The following TAOK3 variants were observed in gnomAD, a reference collection of about 807,000 sequenced individuals.
TAOK3 encodes serine/threonine-protein kinase TAO3.
TAOK3 carries 40 observed loss-of-function variants against 120.4 expected under a neutral mutation model. That is an observed-to-expected ratio of 0.33 (90% CI 0.26 to 0.43). The LOEUF (loss-of-function observed/expected upper bound fraction) is 0.43. Among genes scored for constraint, TAOK3 ranks in the 20% least tolerant of loss-of-function variants. The pLI, the probability that TAOK3 is intolerant of heterozygous loss-of-function variation, is 1.00. For synonymous variants in TAOK3, 355 were observed against 387.5 expected, an observed-to-expected ratio of 0.92 and a Z score of 0.99; for missense variants, 821 against 1,112.1, an observed-to-expected ratio of 0.74 and a Z score of 3.72.
intron 17 of TAOK3, among the ~76,000 whole-genome samples, chr12:118,165,572 T>C (rs1316817265): frequency 6.6e-6 from 1 of 152,256 alleles, no homozygotes; most frequent in African/African-American, 2.4e-5. Flanking sequence ...AATTCTGATA[T>C]ATATGAAAGT....
rs1228468545 is a variant in TAOK3 at position 118,168,682 on chromosome 12, TA to T, written c.1899+3774del. Among the ~76,000 whole-genome samples the T allele has an allele frequency of 5.9e-5, 9 of 152,226 alleles. 1 individual carries two copies. The East Asian group carries it at 1.7e-3, about 29-fold the overall frequency. ...TTTAAGAAAAATACTCTTACAGAGT[TA>T]TTTTTTGCTCAACTGGCTAGAACCT... On this transcript the variant is annotated intron_variant, in intron 17 of 20. Coordinates refer to ENST00000392533, the MANE Select transcript of TAOK3 (RefSeq NM_016281.4).
intron 1 of TAOK3, among the ~76,000 whole-genome samples, chr12:118,271,623 C>A (rs1395326267): frequency 6.6e-6 from 1 of 152,174 alleles, no homozygotes; most frequent in African/African-American, 2.4e-5. Flanking sequence ...GATAGTGCTA[C>A]TAGAATTATT....
intron 1 of TAOK3, among the ~76,000 whole-genome samples, chr12:118,351,864 CTTTTTTTTTTTTTTTTT>C (rs34956112): frequency 1.4e-5 from 1 of 71,900 alleles, no homozygotes; most frequent in Non-Finnish European, 2.6e-5. Flanking sequence ...ATCTATAGTT[CTTTTTTTTTTTTTTTTT>C]TTTTTTTTTA....
intron 9 of TAOK3, among the ~76,000 whole-genome samples, chr12:118,221,056 C>T (rs1395199494): frequency 6.6e-6 from 1 of 152,216 alleles, no homozygotes; most frequent in Non-Finnish European, 1.5e-5. Context: ...TGGAACACAG[C>T]CATGCCTGTA....
chr12:118,321,553 G>A (rs2043707239), intron 1 of TAOK3, among the ~76,000 whole-genome samples: 1 of 151,992 alleles, frequency 6.6e-6, no homozygotes, highest in South Asian at 2.1e-4. Flanking sequence ...ACGCCTGGCT[G>A]CAAGTATGTT....
intron 3 of TAOK3, chr12:118,245,989 T>C (rs188395294): frequency 1.2e-4 from 66 of 567,620 alleles, no homozygotes; most frequent in Non-Finnish European, 1.9e-4. Flanking sequence ...AAACAAGCTA[T>C]AAAGTAGAAT....
At chr12:118,310,584 A>C (rs1461172042) in intron 1 of TAOK3, among the ~76,000 whole-genome samples, 1 of 152,206 alleles carries the variant, frequency 6.6e-6, no homozygotes, top group Non-Finnish European at 1.5e-5. Context: ...ACAGAAAACA[A>C]AAAATAAGGC....
chr12:118,322,853 G>GT (rs2043778935), intron 1 of TAOK3, among the ~76,000 whole-genome samples: 2 of 150,278 alleles, frequency 1.3e-5, no homozygotes, highest in African/African-American at 4.9e-5. Context: ...AGCCTCCCGA[G>GT]TAGCTGGGAT....
chr12:118,338,002 T>A (rs2044436040), intron 1 of TAOK3, among the ~76,000 whole-genome samples: 1 of 152,200 alleles, frequency 6.6e-6, no homozygotes, highest in African/African-American at 2.4e-5. Context: ...GGAAATTAGA[T>A]AAAGGGTACA....
chr12:118,151,396 T>C (rs749709097), intron 20 of TAOK3, among the ~76,000 whole-genome samples: 26 of 152,174 alleles, frequency 1.7e-4, no homozygotes, highest in Non-Finnish European at 3.7e-4. Context: ...TAAAACTTGC[T>C]CACAAGAATA....
chr12:118,361,472 T>C (rs1383080496), intron 1 of TAOK3, among the ~76,000 whole-genome samples: 1 of 151,952 alleles, frequency 6.6e-6, no homozygotes, highest in African/African-American at 2.4e-5. Flanking sequence ...CTTTTTTTTT[T>C]TTTGAGATGG....
intron 11 of TAOK3, among the ~76,000 whole-genome samples, chr12:118,204,454 A>G (rs1203609255): frequency 2.0e-5 from 3 of 152,088 alleles, no homozygotes; most frequent in African/African-American, 7.2e-5. Context: ...AACAATCTAT[A>G]TGTCTTGTGG....
Position 118,372,034 on chromosome 12 carries a change from G to A in TAOK3, c.-194+614C>T, listed in dbSNP as rs1053892551. On this transcript the variant is annotated intron_variant, in intron 1 of 20. Transcript: ENST00000392533. The surrounding 1 kb of genome is among the most constrained non-coding windows in gnomAD (Gnocchi z 4.6). ...ACCCCTCCTCTTCTCCCACTGTCTT[G>A]GCCCTTCCTGGGGTCTTCTCACACT... Among the ~76,000 whole-genome samples, 1 of 150,854 alleles carries A rather than the reference G, an allele frequency of 6.6e-6. No individual in the cohort carries two copies. Among genetic ancestry groups the A allele is most frequent in the African/African-American group, 2.4e-5 (1 of 40,944 alleles).
intron 1 of TAOK3, among the ~76,000 whole-genome samples, chr12:118,321,673 A>G (rs2140948197): frequency 6.6e-6 from 1 of 152,272 alleles, no homozygotes; most frequent in East Asian, 1.9e-4. Flanking sequence ...AAAAAAGAGA[A>G]CCTAAACTTT....
chr12:118,331,717 C>T (rs987276370), intron 1 of TAOK3, among the ~76,000 whole-genome samples: 4 of 148,090 alleles, frequency 2.7e-5, no homozygotes, highest in Non-Finnish European at 4.5e-5. Context: ...TTTAAAAATG[C>T]ATGTAAAAGT....
intron 1 of TAOK3, among the ~76,000 whole-genome samples, chr12:118,323,456 C>T (rs1566117912): frequency 6.6e-6 from 1 of 152,008 alleles, no homozygotes; most frequent in East Asian, 1.9e-4. Flanking sequence ...AACCATTAAG[C>T]CACTAAAAAT....
At chr12:118,173,694 A>G (rs1310001073) in intron 16 of TAOK3, among the ~76,000 whole-genome samples, 1 of 152,260 alleles carries the variant, frequency 6.6e-6, no homozygotes, top group East Asian at 1.9e-4. Context: ...TTTCCAGAAC[A>G]TCTGAGCAAA....
rs1238381995 is a variant in TAOK3 at position 118,196,868 on chromosome 12, T to C, written c.1194+2183A>G. Among the ~76,000 whole-genome samples the C allele has an allele frequency of 2.6e-5, 4 of 152,218 alleles. No homozygotes were observed. The East Asian group carries it at 7.7e-4, about 29-fold the overall frequency. ...CTGCGCCAGGCACTATTCTAGGTAT[T>C]GGATTTGTTATTTGTCCAAAGTAAA... is the stretch of plus-strand genomic sequence containing the variant. On this transcript the variant is annotated intron_variant, in intron 13 of 20. Transcript: ENST00000392533.
intron 1 of TAOK3, among the ~76,000 whole-genome samples, chr12:118,332,754 C>A (rs2044204072): frequency 6.6e-6 from 1 of 152,180 alleles, no homozygotes; most frequent in South Asian, 2.1e-4. Context: ...ACATAATCAA[C>A]TTAAAGCAGT....
Sources: allele counts gnomAD v4.1 joint callset (sites outside exome capture counted in the v4.1 genomes callset), GRCh38; gene constraint gnomAD v4.1.1; non-coding constraint Gnocchi (gnomAD v3.1); transcripts MANE v1.5; gene names NCBI Gene and HGNC (gene_info 2026-07-23, HGNC 2026-07-21).